Variants in ZDHHC20 observed in about 807,000 individuals in gnomAD.
ZDHHC20 encodes the protein palmitoyltransferase ZDHHC20.
Under a neutral mutation model 57.8 loss-of-function variants are expected in ZDHHC20, and 43 were observed. The ratio of observed to expected loss-of-function variants is 0.74; its 90% CI spans 0.58 to 0.96. ZDHHC20 has a LOEUF of 0.96. Among genes scored for constraint, ZDHHC20 ranks in the 40% least tolerant of loss-of-function variants. ZDHHC20 has a pLI of 0.00. For missense variants in ZDHHC20, 391 were observed against 441.1 expected (o/e 0.89, Z 1.02); for synonymous variants, 157 against 153.0 (o/e 1.03, Z -0.19).
chr13:21,411,319 C>T (rs546137381), intron 4 of ZDHHC20, among the ~76,000 whole-genome samples: 7 of 152,254 alleles, frequency 4.6e-5, no homozygotes, highest in Non-Finnish European at 1.0e-4. Flanking sequence ...CATCTTGCCC[C>T]GATTGACCGA....
In ZDHHC20 at chr13:21,372,997, A is replaced by G. The variant is rs1281843297; in HGVS notation, c.*3699T>C. 1 of 152,174 alleles carries G rather than the reference A, an allele frequency of 6.6e-6. No individual in the cohort carries two copies. The highest frequency in any genetic ancestry group is 1.5e-5 in the Non-Finnish European group (1 of 67,986). The allele number at this position is 152,174 out of a possible 1,614,324, so 9.4% of individuals were successfully genotyped here. A position where few individuals can be genotyped will look rare whatever the true frequency, so the allele number is the denominator to read the frequency against. ...ATTAGAAAAATATGAACCTTTCTGAATCTATATTACATTTTTAATTTAAAT... is the reference window on the plus strand; with the variant it reads ...ATTAGAAAAATATGAACCTTTCTGAGTCTATATTACATTTTTAATTTAAAT... On this transcript the variant is annotated 3_prime_UTR_variant, in exon 13 of 13. Transcript: ENST00000400590.
At chr13:21,394,477 A>C (rs1876400613) in intron 7 of ZDHHC20, among the ~76,000 whole-genome samples, 1 of 152,172 alleles carries the variant, frequency 6.6e-6, no homozygotes, top group African/African-American at 2.4e-5. Context: ...AGCTCTACAA[A>C]GAGAGAACTC....
chr13:21,393,969 C>T (rs1876309284), intron 7 of ZDHHC20, among the ~76,000 whole-genome samples: 1 of 152,226 alleles, frequency 6.6e-6, no homozygotes, highest in African/African-American at 2.4e-5. Context: ...TTCTAACCAC[C>T]TTCACTGCTT....
At chr13:21,441,516 G>C (rs1167173926) in intron 1 of ZDHHC20, among the ~76,000 whole-genome samples, 3 of 143,394 alleles carry the variant, frequency 2.1e-5, no homozygotes, top group Non-Finnish European at 4.5e-5. Flanking sequence ...CTCCCAAGTA[G>C]CTGGGACTAC....
At chr13:21,418,298 AGAG>A (rs566794378) in intron 3 of ZDHHC20, among the ~76,000 whole-genome samples, 7 of 152,326 alleles carry the variant, frequency 4.6e-5, no homozygotes, top group African/African-American at 1.7e-4. Context: ...TTATAGGAGT[AGAG>A]GAGAATGAAG....
rs946703922 is a variant in ZDHHC20 at position 21,449,628 on chromosome 13, AATT to A, written c.118+9423_118+9425del. Among the ~76,000 whole-genome samples, 17 of 151,954 alleles carry A rather than the reference AATT, an allele frequency of 1.1e-4. No individual in the cohort carries two copies. In the South Asian group the frequency reaches 2.3e-3, roughly 21 times the overall value. On this transcript the variant is annotated intron_variant, in intron 1 of 12. Transcript: ENST00000400590. ...CTATTTCTTGATGGAAGAAGGTACA[AATT>A]ATTATTATTATTATACTTTTTTTTT...
At chr13:21,420,550 G>C (rs573424913) in intron 3 of ZDHHC20, among the ~76,000 whole-genome samples, 7 of 152,292 alleles carry the variant, frequency 4.6e-5, no homozygotes, top group African/African-American at 1.7e-4. Context: ...GAGAGACACT[G>C]GTCATAAAAC....
At chr13:21,454,779 A>C (rs903146178) in intron 1 of ZDHHC20, among the ~76,000 whole-genome samples, 2 of 152,230 alleles carry the variant, frequency 1.3e-5, no homozygotes, top group African/African-American at 4.8e-5. Context: ...CTAAATTTGA[A>C]GAAGTTATGC....
intron 4 of ZDHHC20, among the ~76,000 whole-genome samples, chr13:21,405,806 A>G (rs1325581410): frequency 6.6e-6 from 1 of 152,206 alleles, no homozygotes; most frequent in Non-Finnish European, 1.5e-5. Flanking sequence ...AAAACCTTAT[A>G]TAAAAAGATA....
intron 5 of ZDHHC20, among the ~76,000 whole-genome samples, chr13:21,401,970 C>T (rs1012098866): frequency 1.3e-5 from 2 of 151,928 alleles, no homozygotes; most frequent in African/African-American, 4.8e-5. Context: ...GTGGCTCATG[C>T]GTGTAATTAA....
chr13:21,378,242 C>T (rs1872588726), intron 12 of ZDHHC20, among the ~76,000 whole-genome samples: 1 of 151,972 alleles, frequency 6.6e-6, no homozygotes, highest in South Asian at 2.1e-4. Context: ...GATGAGGTCT[C>T]ACTATACTAA....
chr13:21,384,570 T>G (rs1304838084), intron 9 of ZDHHC20, among the ~76,000 whole-genome samples: 3 of 151,734 alleles, frequency 2.0e-5, no homozygotes. Flanking sequence ...CACTGTGGTG[T>G]ACCTGAAGTC....
At position 21,400,575 on chromosome 13, in the gene ZDHHC20, AG is replaced by A. The variant is rs1877482952; in HGVS notation, c.474-83del. ...AATAGAAAGTAGGATGGAGGCTGCC[AG>A]GGGCTGGTGTGGTGTGGGGAAGGGG... On this transcript the variant is annotated intron_variant, in intron 6 of 12. Coordinates refer to ENST00000400590, the MANE Select transcript of ZDHHC20 (RefSeq NM_001330059.2). The A allele has an allele frequency of 3.5e-6, 5 of 1,429,338 alleles. No individual in the cohort carries two copies. The South Asian group carries it at 6.8e-5, about 19-fold the overall frequency. 88.5% of individuals were successfully genotyped at this position (1,429,338 alleles called of 1,614,324 possible).
intron 7 of ZDHHC20, among the ~76,000 whole-genome samples, chr13:21,397,077 G>A (rs747066815): frequency 6.6e-6 from 1 of 151,888 alleles, no homozygotes; most frequent in Non-Finnish European, 1.5e-5. Flanking sequence ...TTCTTTTATG[G>A]TGATTGCTAT....
intron 1 of ZDHHC20, among the ~76,000 whole-genome samples, chr13:21,434,087 C>CGT (rs4062876): frequency 0.29 from 43,238 of 150,642 alleles, 6,518 homozygotes; most frequent in South Asian, 0.34. Flanking sequence ...TCCTTTCCTA[C>CGT]GTGTGTGTGT....
chr13:21,408,373 T>C (rs1878746741), intron 4 of ZDHHC20, among the ~76,000 whole-genome samples: 1 of 152,218 alleles, frequency 6.6e-6, no homozygotes, highest in African/African-American at 2.4e-5. Flanking sequence ...TTTATTATCT[T>C]TGTAGCAATT....
chr13:21,401,746 C>A, intron 5 of ZDHHC20, 61 bp from the exon 6 acceptor site: 1 of 1,416,494 alleles, frequency 7.1e-7, no homozygotes, highest in South Asian at 1.5e-5. Context: ...TCTAACTTCT[C>A]ATAATTTTCT....
At chr13:21,385,171 G>C (rs1170144346) in intron 9 of ZDHHC20, among the ~76,000 whole-genome samples, 1 of 152,172 alleles carries the variant, frequency 6.6e-6, no homozygotes, top group African/African-American at 2.4e-5. Flanking sequence ...GTTCATGCCT[G>C]TAATAGCAGC....
chr13:21,428,182 A>G (rs1318725269), intron 1 of ZDHHC20, among the ~76,000 whole-genome samples: 2 of 151,982 alleles, frequency 1.3e-5, no homozygotes, highest in East Asian at 3.9e-4. Context: ...AGACGAGGCT[A>G]TTCCTTTTTA....
Sources: gnomAD v4.1 joint callset for allele counts (sites outside exome capture counted in the v4.1 genomes callset) on GRCh38, gnomAD v4.1.1 for gene constraint, MANE v1.5 for transcripts, NCBI Gene and HGNC (gene_info 2026-07-23, HGNC 2026-07-21) for gene names.